PDCD11: variants seen among roughly 807,000 people sequenced by gnomAD.
The protein encoded by PDCD11 is programmed cell death 11.
Under a neutral mutation model 198.9 loss-of-function variants are expected in PDCD11, and 97 were observed. The observed-to-expected ratio is 0.49, with a 90% confidence interval of 0.41 to 0.58. The LOEUF is 0.58. Among genes scored for constraint, PDCD11 ranks in the 20% least tolerant of loss-of-function variants. The probability of loss-of-function intolerance (pLI) is 0.00; values close to 1 mark genes in which losing one functional copy is unlikely to be tolerated. For synonymous variants in PDCD11, 893 were observed against 918.0 expected, an observed-to-expected ratio of 0.97 and a Z score of 0.49; for missense variants, 2,102 against 2,312.7, an observed-to-expected ratio of 0.91 and a Z score of 1.87.
Position 103,425,300 on chromosome 10 carries a change from C to A in PDCD11, c.3080C>A (p.Thr1027Asn), listed in dbSNP as rs556960149. The A allele has an allele frequency of 4.3e-6, 7 of 1,614,112 alleles. No individual in the cohort carries two copies. In the South Asian group the frequency reaches 4.4e-5, roughly 10 times the overall value. ...EEVDPALTVGTIKKHTLSIGD... is the reference protein window; with the variant it reads ...EEVDPALTVGNIKKHTLSIGD... Reference sequence around the variant, plus strand: ...GTGGATCCAGCTCTGACTGTAGGGACCATAAAGAAGCACACCCTCTCCATC... The same window carrying A: ...GTGGATCCAGCTCTGACTGTAGGGAACATAAAGAAGCACACCCTCTCCATC... The change falls in exon 20 of 36, where the codon ACC (threonine) becomes AAC (asparagine). Residue 1027 changes from threonine to asparagine, a missense_variant. Coordinates refer to ENST00000369797, the MANE Select transcript of PDCD11 (RefSeq NM_014976.2).
At chr10:103,401,273 T>A (rs1209035310) in intron 3 of PDCD11, among the ~76,000 whole-genome samples, 1 of 151,982 alleles carries the variant, frequency 6.6e-6, no homozygotes, top group Non-Finnish European at 1.5e-5. Context: ...TATTTTATTT[T>A]ATTTATTTAT....
rs190587300 is a variant in PDCD11, at chr10:103,415,470, G to A, written c.1518+319G>A. On this transcript the variant is annotated intron_variant, in intron 12 of 35. Transcript: ENST00000369797. The stretch of plus-strand genomic sequence containing the variant: ...GCAGCCAGAATTGTTGACGTTATCA[G>A]TAGCGACTGCCACGAACAGGACTGC... Among the ~76,000 whole-genome samples, 86 of 152,368 alleles carry A rather than the reference G, an allele frequency of 5.6e-4. No homozygotes were observed. The East Asian group carries it at 0.015, about 26-fold the overall frequency.
intron 29 of PDCD11, 34 bp downstream of exon 29, chr10:103,440,615 C>G: frequency 6.2e-7 from 1 of 1,608,738 alleles, no homozygotes. Flanking sequence ...GCTGCCTATC[C>G]TCCTCCTGGA....
At chr10:103,401,346 C>G (rs2030036897) in intron 3 of PDCD11, among the ~76,000 whole-genome samples, 1 of 152,098 alleles carries the variant, frequency 6.6e-6, no homozygotes, top group Non-Finnish European at 1.5e-5. Context: ...GATCTCAGCT[C>G]ACTGCAACCT....
rs539341046 is a variant in PDCD11, at chr10:103,413,216, C to T, written c.1079C>T (p.Ser360Phe). The change falls in exon 9 of 36, where the codon TCT becomes TTT. Residue 360 changes from serine to phenylalanine, a missense_variant. Transcript: ENST00000369797. ...LQPGRPLTRLSCQNLGAVLDD... is the reference protein window; with the variant it reads ...LQPGRPLTRLFCQNLGAVLDD... ...CCTGGACGCCCACTCACCCGACTCT[C>T]TTGCCAGAACCTTGGAGCAGTGCTG... The T allele has an allele frequency of 6.2e-7, 1 of 1,614,188 alleles. No individual in the cohort carries two copies. Among genetic ancestry groups the T allele is most frequent in the South Asian group, 1.1e-5 (1 of 91,082 alleles).
intron 21 of PDCD11, 127 bp from the exon 22 acceptor site, chr10:103,432,002 C>T (rs968612541): frequency 3.3e-5 from 22 of 673,078 alleles, no homozygotes; most frequent in Admixed American, 2.6e-4. Flanking sequence ...GAGAAACGGC[C>T]TTGGAGGGTG....
At chr10:103,440,177 G>A (rs1592141563) in intron 28 of PDCD11, 113 bp from the exon 29 acceptor site, 4 of 1,461,690 alleles carry the variant, frequency 2.7e-6, no homozygotes, top group East Asian at 4.6e-5. Context: ...TCCCAAGGCA[G>A]ATGGGGGCAG....
rs757465529 is a variant in PDCD11, at chr10:103,440,799, G to A, written c.4506G>A (p.Val1502=). ...LSEEDDSLVD[V]YYREGKEEAE... Reference sequence around the variant, plus strand: ...AGGAGGACGACAGCCTTGTGGACGTGTACTATCGGGAGGGAAAAGAGGAGG... The same window carrying A: ...AGGAGGACGACAGCCTTGTGGACGTATACTATCGGGAGGGAAAAGAGGAGG... Residue 1502 remains valine, a synonymous_variant, in exon 30 of 36, where the codon GTG becomes GTA. Transcript: ENST00000369797. The A allele has an allele frequency of 6.2e-7, 1 of 1,614,124 alleles. No individual in the cohort carries two copies. The highest frequency in any genetic ancestry group is 8.5e-7 in the Non-Finnish European group (1 of 1,180,000).
chr10:103,414,193 G>A, intron 10 of PDCD11, 77 bp from the exon 11 acceptor site: 3 of 1,575,756 alleles, frequency 1.9e-6, no homozygotes, highest in Non-Finnish European at 2.6e-6. Flanking sequence ...TTTCTTGCCA[G>A]CATGCCTGTG....
intron 20 of PDCD11, 68 bp downstream of exon 20, chr10:103,425,593 T>A (rs764518985): frequency 1.4e-6 from 2 of 1,421,026 alleles, no homozygotes; most frequent in Non-Finnish European, 1.9e-6. Flanking sequence ...ACTGGGAAAG[T>A]AGGTGGGCTC....
In PDCD11 at chr10:103,440,370, T is replaced by C; in HGVS notation, c.4229T>C (p.Leu1410Ser). The change falls in exon 29 of 36, where the codon TTG becomes TCG. Residue 1410 changes from leucine to serine, a missense_variant. Coordinates refer to ENST00000369797, the MANE Select transcript of PDCD11 (RefSeq NM_014976.2). ...TGKPDVLSAS[L>S]EGQLTKQEER... is the part of the protein sequence containing the mutation. Reference sequence around the variant, plus strand: ...AAGCCAGACGTGCTTTCTGCTTCCTTGGAAGGGCAACTTACAAAGCAAGAG... The same window carrying C: ...AAGCCAGACGTGCTTTCTGCTTCCTCGGAAGGGCAACTTACAAAGCAAGAG... 3.7e-6 allele frequency: 6 copies of C among 1,614,170 alleles called. No individual in the cohort carries two copies. Among genetic ancestry groups the C allele is most frequent in the Non-Finnish European group, 5.1e-6 (6 of 1,180,032 alleles).
At chr10:103,421,914 C>A (rs1192146457) in intron 17 of PDCD11, among the ~76,000 whole-genome samples, 1 of 145,444 alleles carries the variant, frequency 6.9e-6, no homozygotes, top group African/African-American at 2.6e-5. Context: ...TTGCAGTGAG[C>A]CGAGATTGCG....
In PDCD11 at chr10:103,434,805, C is replaced by G; in HGVS notation, c.3675C>G (p.His1225Gln). 1 of 1,607,674 alleles carries G rather than the reference C, an allele frequency of 6.2e-7. No homozygotes were observed. The highest frequency in any genetic ancestry group is 8.5e-7 in the Non-Finnish European group (1 of 1,177,216). Residue 1225 changes from histidine to glutamine, a missense_variant, in exon 25 of 36, where the codon CAC (histidine) becomes CAG (glutamine). Physicochemically the swap from His to Gln is conservative, Grantham distance 24. Transcript: ENST00000369797. Reference sequence around the variant, plus strand: ...GGTTGGTTCTTCCACCAGGTCCTCACAAGCTTGAGGAAGGGGAAGTGGCCA... The same window carrying G: ...GGTTGGTTCTTCCACCAGGTCCTCAGAAGCTTGAGGAAGGGGAAGTGGCCA... The part of the protein sequence containing the change: ...TLLCLSLTGP[H>Q]KLEEGEVAMG...
intron 19 of PDCD11, among the ~76,000 whole-genome samples, chr10:103,424,037 C>T (rs2031576713): frequency 6.6e-6 from 1 of 152,156 alleles, no homozygotes; most frequent in African/African-American, 2.4e-5. Flanking sequence ...TCTGGGGCTA[C>T]TGCTGCTAAA....
rs1180956015 is a variant in PDCD11, at chr10:103,423,092, C to T, written c.2602C>T (p.Pro868Ser). The T allele has an allele frequency of 6.2e-7, 1 of 1,603,040 alleles. No individual in the cohort carries two copies. The highest frequency in any genetic ancestry group is 8.5e-7 in the Non-Finnish European group (1 of 1,174,608). The change falls in exon 18 of 36, where the codon CCA becomes TCA. Residue 868 changes from proline to serine, a missense_variant. Coordinates refer to ENST00000369797, the MANE Select transcript of PDCD11 (RefSeq NM_014976.2). ...EDGSVVFSGG[P>S]VPDLVLKASR... Reference sequence around the variant, plus strand: ...TGGCTCTGTGGTATTCAGTGGGGGTCCAGTGCCCGACCTGGTCCTGAAAGC... The same window carrying T: ...TGGCTCTGTGGTATTCAGTGGGGGTTCAGTGCCCGACCTGGTCCTGAAAGC...
chr10:103,419,821 G>A (rs889254699), intron 16 of PDCD11, 113 bp downstream of exon 16: 1 of 924,734 alleles, frequency 1.1e-6, no homozygotes, highest in East Asian at 2.8e-5. Flanking sequence ...AGACAGTCTT[G>A]TTCTGTCGCC....
chr10:103,414,440 T>C, intron 11 of PDCD11, 110 bp downstream of exon 11: 2 of 719,202 alleles, frequency 2.8e-6, no homozygotes, highest in South Asian at 3.5e-5. Context: ...TTGAATGTCA[T>C]GTTCCTTGCT....
chr10:103,442,276 A>C lies in PDCD11; in HGVS notation c.4771A>C (p.Ile1591Leu), dbSNP rs375265705. ...KQKAEKELSRIEEALMDPGRQ... is the reference protein window; with the variant it reads ...KQKAEKELSRLEEALMDPGRQ... ...GAAGGCAGAGAAGGAACTGTCCCGC[A>C]TTGAGGAGGCGCTGATGGATCCTGG... Residue 1591 changes from isoleucine (I) to leucine (L), a missense_variant, in exon 32 of 36, where the codon ATT (isoleucine) becomes CTT (leucine). Transcript: ENST00000369797. 26 of 1,614,094 alleles carry C rather than the reference A, an allele frequency of 1.6e-5. No homozygotes were observed. The highest frequency in any genetic ancestry group is 2.2e-5 in the Non-Finnish European group (26 of 1,180,032).
intron 12 of PDCD11, 118 bp downstream of exon 12, chr10:103,415,269 C>A: frequency 3.1e-6 from 3 of 981,244 alleles, no homozygotes; most frequent in Non-Finnish European, 4.6e-6. Context: ...GTGTCTTGTG[C>A]TGTACCTGGC....
Sources: allele counts gnomAD v4.1 joint callset (sites outside exome capture counted in the v4.1 genomes callset), GRCh38; gene constraint gnomAD v4.1.1; transcripts MANE v1.5; gene names NCBI Gene and HGNC (gene_info 2026-07-23, HGNC 2026-07-21).